Variants in GRID1 observed in about 807,000 individuals in gnomAD.
GRID1 encodes the protein glutamate ionotropic receptor delta type subunit 1, also known as glutamate receptor ionotropic, delta-1.
GRID1 carries 28 observed loss-of-function variants against 98.0 expected under a neutral mutation model. The ratio of observed to expected loss-of-function variants is 0.29; its 90% CI spans 0.21 to 0.39. The LOEUF is 0.39. Among genes scored for constraint, GRID1 ranks in the 10% least tolerant of loss-of-function variants. The pLI, the probability that GRID1 is intolerant of heterozygous loss-of-function variation, is 1.00. For synonymous variants in GRID1, 553 were observed against 538.5 expected, an observed-to-expected ratio of 1.03 and a Z score of -0.37; for missense variants, 1,111 against 1,340.5, an observed-to-expected ratio of 0.83 and a Z score of 2.67.
At chr10:86,016,474 G>A (rs1842982393) in intron 4 of GRID1, among the ~76,000 whole-genome samples, 1 of 152,020 alleles carries the variant, frequency 6.6e-6, no homozygotes, top group African/African-American at 2.4e-5. Flanking sequence ...TTCTTCATGT[G>A]TAACCATGTA....
At position 86,354,216 on chromosome 10, in the gene GRID1, G is replaced by A. The variant is rs547612250; in HGVS notation, c.235+9725C>T. On this transcript the variant is annotated intron_variant, in intron 2 of 15. Transcript: ENST00000327946. ...CCAGTTTATAGGGGCACAGGCCACAGCAGAGCCAGACCATGGGTGGGCTGG... is the reference window on the plus strand; with the variant it reads ...CCAGTTTATAGGGGCACAGGCCACAACAGAGCCAGACCATGGGTGGGCTGG... Among the ~76,000 whole-genome samples, 379 of 152,250 alleles carry A rather than the reference G, an allele frequency of 2.5e-3. 9 individuals carry two copies. Among genetic ancestry groups the A allele is most frequent in the Middle Eastern group, 0.017 (5 of 292 alleles).
chr10:85,890,839 TA>T (rs1841190424), intron 5 of GRID1, among the ~76,000 whole-genome samples: 1 of 152,066 alleles, frequency 6.6e-6, no homozygotes, highest in Non-Finnish European at 1.5e-5. Context: ...TACACACACA[TA>T]CACAAAAAGT....
chr10:85,918,709 T>C (rs1404494455), intron 4 of GRID1, among the ~76,000 whole-genome samples: 10 of 152,224 alleles, frequency 6.6e-5, no homozygotes, highest in Non-Finnish European at 1.5e-4. Context: ...GAGGCAGATA[T>C]CAATTCAATA....
intron 2 of GRID1, among the ~76,000 whole-genome samples, chr10:86,318,550 T>C (rs1053716671): frequency 6.6e-6 from 1 of 152,196 alleles, no homozygotes; most frequent in African/African-American, 2.4e-5. Context: ...GTCCTGGGGA[T>C]GCCCCAGGGC....
chr10:85,900,041 G>A (rs1841357736), intron 5 of GRID1, among the ~76,000 whole-genome samples: 1 of 152,246 alleles, frequency 6.6e-6, no homozygotes, highest in African/African-American at 2.4e-5. Flanking sequence ...GAAAGAGAAT[G>A]AAAGCTGAGA....
At chr10:86,109,060 C>T (rs768307870) in intron 4 of GRID1, among the ~76,000 whole-genome samples, 1 of 152,346 alleles carries the variant, frequency 6.6e-6, no homozygotes, top group South Asian at 2.1e-4. Context: ...TTCCCTTCAT[C>T]GACCTTTTCT....
At chr10:86,241,137 C>T (rs1354838307) in intron 2 of GRID1, among the ~76,000 whole-genome samples, 2 of 152,234 alleles carry the variant, frequency 1.3e-5, no homozygotes, top group Non-Finnish European at 2.9e-5. Flanking sequence ...CCCTGTTGCC[C>T]ACAAGATGCA....
Position 85,712,720 on chromosome 10 carries a change from A to G in GRID1, c.1997+10283T>C, listed in dbSNP as rs1841595290. On this transcript the variant is annotated intron_variant, in intron 12 of 15. Coordinates refer to ENST00000327946, the MANE Select transcript of GRID1 (RefSeq NM_017551.3). The stretch of plus-strand genomic sequence containing the variant: ...TAAGAAGACTGAAATCATATCAAGT[A>G]TCTTCACCAGCCACAATGCTATGAA... Among the ~76,000 whole-genome samples, 3 of 151,916 alleles carry G rather than the reference A, an allele frequency of 2.0e-5. No individual in the cohort carries two copies. The South Asian group carries it at 6.2e-4, about 31-fold the overall frequency.
chr10:86,329,287 C>T (rs1022919123), intron 2 of GRID1, among the ~76,000 whole-genome samples: 1 of 152,220 alleles, frequency 6.6e-6, no homozygotes, highest in Non-Finnish European at 1.5e-5. Flanking sequence ...GGCTGCCTCT[C>T]CCCAGCTGTC....
At chr10:85,623,664 A>G (rs1842880835) in intron 13 of GRID1, among the ~76,000 whole-genome samples, 1 of 151,764 alleles carries the variant, frequency 6.6e-6, no homozygotes, top group Non-Finnish European at 1.5e-5. Flanking sequence ...ATTTCCTCCA[A>G]TCCCACTCCT....
intron 2 of GRID1, among the ~76,000 whole-genome samples, chr10:86,230,623 C>A (rs1846436348): frequency 6.6e-6 from 1 of 152,248 alleles, no homozygotes; most frequent in South Asian, 2.1e-4. Context: ...GAACACATGT[C>A]ACCTTTCAAC....
At chr10:85,738,852 G>A (rs1321755639) in intron 8 of GRID1, among the ~76,000 whole-genome samples, 2 of 152,178 alleles carry the variant, frequency 1.3e-5, no homozygotes, top group African/African-American at 4.8e-5. Context: ...GATGGGAGAA[G>A]GGTATCAAAT....
chr10:86,127,169 G>A (rs202127469), intron 4 of GRID1, among the ~76,000 whole-genome samples: 9 of 152,266 alleles, frequency 5.9e-5, no homozygotes, highest in East Asian at 5.8e-4. Context: ...CTGAGTAGTC[G>A]CTGTTCTTCC....
chr10:85,828,096 A>G (rs898346597), intron 8 of GRID1, among the ~76,000 whole-genome samples: 6 of 152,218 alleles, frequency 3.9e-5, no homozygotes. Context: ...ACATTCAACC[A>G]CAGTGCAATA....
At chr10:86,280,932 G>C (rs1188502898) in intron 2 of GRID1, among the ~76,000 whole-genome samples, 1 of 152,174 alleles carries the variant, frequency 6.6e-6, no homozygotes, top group African/African-American at 2.4e-5. Context: ...CTTACAGACA[G>C]GCTGAAAATA....
chr10:85,637,061 A>G (rs1843053051), intron 13 of GRID1, among the ~76,000 whole-genome samples: 1 of 152,210 alleles, frequency 6.6e-6, no homozygotes, highest in African/African-American at 2.4e-5. Context: ...AATACTAGTC[A>G]CTAATTTTTA....
rs142238695 is a variant in GRID1, at chr10:85,897,465, C to A, written c.780+18721G>T. ...GAGGAGAAGCCTTGGATTAACCCAT[C>A]CCCAATACACTGGCCCCTCAGGAAG... On this transcript the variant is annotated intron_variant, in intron 5 of 15. Coordinates refer to ENST00000327946, the MANE Select transcript of GRID1 (RefSeq NM_017551.3). 3.8e-3 allele frequency among the ~76,000 whole-genome samples: 583 copies of A among 152,294 alleles called. 9 individuals are homozygous for A. The highest frequency in any genetic ancestry group is 0.013 in the African/African-American group (533 of 41,570).
At chr10:86,294,026 G>A (rs1030520790) in intron 2 of GRID1, among the ~76,000 whole-genome samples, 17 of 152,118 alleles carry the variant, frequency 1.1e-4, no homozygotes, top group Non-Finnish European at 2.2e-4. Context: ...GTATATTCGC[G>A]GGTGATCACT....
intron 4 of GRID1, among the ~76,000 whole-genome samples, chr10:86,006,666 T>C (rs979626830): frequency 3.3e-5 from 5 of 151,992 alleles, no homozygotes; most frequent in South Asian, 2.1e-4. Flanking sequence ...GACTTTTACA[T>C]AGGTGAATAT....
Sources: allele counts gnomAD v4.1 joint callset (sites outside exome capture counted in the v4.1 genomes callset), GRCh38; gene constraint gnomAD v4.1.1; transcripts MANE v1.5; gene names NCBI Gene and HGNC (gene_info 2026-07-23, HGNC 2026-07-21).